The following RALGAPA1 variants were observed in gnomAD, a reference collection of about 807,000 sequenced individuals.
RALGAPA1 encodes the protein Ral GTPase activating protein catalytic subunit alpha 1.
RALGAPA1 carries 52 observed loss-of-function variants against 269.6 expected under a neutral mutation model. The ratio of observed to expected loss-of-function variants is 0.19; its 90% CI spans 0.15 to 0.24. The LOEUF is 0.24. Ranked by LOEUF, RALGAPA1 falls within the 10% of genes least tolerant of loss-of-function variation. The pLI, the probability that RALGAPA1 is intolerant of heterozygous loss-of-function variation, is 1.00. For missense variants in RALGAPA1, 1,917 were observed against 3,013.9 expected, an observed-to-expected ratio of 0.64 and a Z score of 8.52; for synonymous variants, 817 against 1,008.3, an observed-to-expected ratio of 0.81 and a Z score of 3.60.
chr14:35,786,324 C>T (rs895035620), intron 1 of RALGAPA1, among the ~76,000 whole-genome samples: 4 of 152,066 alleles, frequency 2.6e-5, no homozygotes, highest in Non-Finnish European at 4.4e-5. Context: ...GGCATCATCT[C>T]CACTTCTGAA....
chr14:35,750,824 A>T (rs2141250528), intron 8 of RALGAPA1, 134 bp from the exon 9 acceptor site: 2 of 758,024 alleles, frequency 2.6e-6, no homozygotes, highest in Non-Finnish European at 4.1e-6. Flanking sequence ...CACAGAAATG[A>T]CATTTCAAAA....
rs553181782 is a variant in RALGAPA1 at position 35,657,243 on chromosome 14, C to T, written c.5388-1328G>A. ...ACTCTGTCTTGCCCAGGCTGGAGTGCAGTGGCGCGATCTCGGCTCACTGCA... is the reference window on the plus strand; with the variant it reads ...ACTCTGTCTTGCCCAGGCTGGAGTGTAGTGGCGCGATCTCGGCTCACTGCA... On this transcript the variant is annotated intron_variant, in intron 28 of 41. Transcript: ENST00000680220. 2.7e-5 allele frequency among the ~76,000 whole-genome samples: 4 copies of T among 150,524 alleles called. No individual in the cohort carries two copies. In the East Asian group the frequency reaches 7.8e-4, roughly 30 times the overall value.
At chr14:35,661,131 C>T (rs1351220355) in intron 27 of RALGAPA1, among the ~76,000 whole-genome samples, 4 of 152,052 alleles carry the variant, frequency 2.6e-5, no homozygotes. Context: ...GTTTCTTTTA[C>T]TCCCTCTCAC....
chr14:35,689,143 C>T lies in RALGAPA1; in HGVS notation c.3268G>A (p.Glu1090Lys). 1 of 1,234,620 alleles carries T rather than the reference C, an allele frequency of 8.1e-7. No homozygotes were observed. Among genetic ancestry groups the T allele is most frequent in the Non-Finnish European group, 1.0e-6 (1 of 989,554 alleles). 76.5% of individuals were successfully genotyped at this position (1,234,620 alleles called of 1,614,324 possible). Residue 1090 changes from glutamate (E) to lysine (K), a missense_variant, in exon 18 of 42, where the codon GAA (glutamate) becomes AAA (lysine). By Grantham distance (56) the Glu-to-Lys change is moderately conservative (BLOSUM62 1). Coordinates refer to ENST00000680220, the MANE Select transcript of RALGAPA1 (RefSeq NM_001346249.2). ...VEKLKSVQIN[E>K]KITVPHVMRA... ...ATAACATGTGGGACAGTGATTTTTT[C>T]ATTAATTTGCACACTCTTAAGCTTT... is the stretch of plus-strand genomic sequence containing the variant.
Position 35,747,498 on chromosome 14 carries a change from G to A in RALGAPA1, c.1251+1087C>T, listed in dbSNP as rs562611701. Among the ~76,000 whole-genome samples, 28 of 152,296 alleles carry A rather than the reference G, an allele frequency of 1.8e-4. 1 individual carries two copies. The highest frequency in any genetic ancestry group is 3.4e-3 in the Middle Eastern group (1 of 294). On this transcript the variant is annotated intron_variant, in intron 10 of 41. Coordinates refer to ENST00000680220, the MANE Select transcript of RALGAPA1 (RefSeq NM_001346249.2). Reference sequence around the variant, plus strand: ...CAACACTGGACAAAAATGAAAATGAGTTTGTTTCTTTAACTTAGGCTGACA... The same window carrying A: ...CAACACTGGACAAAAATGAAAATGAATTTGTTTCTTTAACTTAGGCTGACA...
At chr14:35,549,280 GAA>G in intron 39 of RALGAPA1, 46 bp from the exon 40 acceptor site, 1 of 1,557,408 alleles carries the variant, frequency 6.4e-7, no homozygotes, top group South Asian at 1.2e-5. Context: ...GCTTATACTG[GAA>G]AAAAAATCTT....
chr14:35,539,714 A>G, intron 41 of RALGAPA1, 24 bp from the exon 42 acceptor site: 1 of 1,611,980 alleles, frequency 6.2e-7, no homozygotes, highest in Non-Finnish European at 8.5e-7. Flanking sequence ...CAAGAGCATT[A>G]CTACAGTTAT....
At chr14:35,766,490 C>T in intron 4 of RALGAPA1, 1 of 1,381,676 alleles carries the variant, frequency 7.2e-7, no homozygotes, top group Non-Finnish European at 1.0e-6. Context: ...CCTTTTCTCA[C>T]ATTACTTATT....
intron 7 of RALGAPA1, among the ~76,000 whole-genome samples, chr14:35,754,049 T>C (rs1241321586): frequency 6.6e-6 from 1 of 152,194 alleles, no homozygotes; most frequent in Non-Finnish European, 1.5e-5. Flanking sequence ...TGGCAGACGC[T>C]ACCTTAATCA....
At chr14:35,734,804 G>A (rs2070824155) in intron 12 of RALGAPA1, among the ~76,000 whole-genome samples, 1 of 151,876 alleles carries the variant, frequency 6.6e-6, no homozygotes, top group Admixed American at 6.6e-5. Context: ...CTAGACATCT[G>A]ACAAAGGACT....
intron 12 of RALGAPA1, among the ~76,000 whole-genome samples, chr14:35,737,807 C>G (rs1429785295): frequency 8.0e-6 from 1 of 124,260 alleles, no homozygotes; most frequent in Non-Finnish European, 1.6e-5. Flanking sequence ...ATGTTCACAG[C>G]CAGGCATGGT....
intron 35 of RALGAPA1, 96 bp downstream of exon 35, chr14:35,625,265 A>AC (rs1222674395): frequency 1.4e-5 from 10 of 732,546 alleles, no homozygotes; most frequent in Non-Finnish European, 2.1e-5. Context: ...TCAATAACAC[A>AC]GTATTATATA....
intron 1 of RALGAPA1, among the ~76,000 whole-genome samples, chr14:35,800,413 G>C (rs2076884087): frequency 6.6e-6 from 1 of 152,046 alleles, no homozygotes; most frequent in Admixed American, 6.6e-5. Context: ...CAATGGAATT[G>C]AATTAGAAAT....
At chr14:35,804,034 G>A (rs971190742) in intron 1 of RALGAPA1, among the ~76,000 whole-genome samples, 1 of 152,058 alleles carries the variant, frequency 6.6e-6, no homozygotes, top group Non-Finnish European at 1.5e-5. Context: ...AGGCCGAGGT[G>A]GGTGGATCAC....
intron 35 of RALGAPA1, among the ~76,000 whole-genome samples, chr14:35,613,881 G>A (rs755927557): frequency 3.3e-5 from 5 of 152,030 alleles, no homozygotes; most frequent in Non-Finnish European, 7.4e-5. Flanking sequence ...TTTTTTCAAA[G>A]AACATATATA....
chr14:35,655,390 C>T (rs555590630), intron 29 of RALGAPA1, among the ~76,000 whole-genome samples: 1 of 151,442 alleles, frequency 6.6e-6, no homozygotes, highest in Non-Finnish European at 1.5e-5. Flanking sequence ...TGTCTGTCTA[C>T]AAAGAAGGCA....
intron 21 of RALGAPA1, among the ~76,000 whole-genome samples, chr14:35,682,574 G>A (rs1368758852): frequency 1.3e-5 from 2 of 152,128 alleles, no homozygotes; most frequent in African/African-American, 4.8e-5. Context: ...CCAAAGTGCT[G>A]GGATTACAGG....
At chr14:35,780,685 A>G (rs1275032933) in intron 1 of RALGAPA1, among the ~76,000 whole-genome samples, 1 of 152,264 alleles carries the variant, frequency 6.6e-6, no homozygotes, top group Non-Finnish European at 1.5e-5. Context: ...AAAATACAAC[A>G]TACCAAAACT....
At chr14:35,797,249 G>GA (rs2076633155) in intron 1 of RALGAPA1, among the ~76,000 whole-genome samples, 1 of 150,356 alleles carries the variant, frequency 6.7e-6, no homozygotes, top group South Asian at 2.1e-4. Flanking sequence ...AGCTACTAGG[G>GA]GGCTGAAGCA....
Sources: allele counts gnomAD v4.1 joint callset (sites outside exome capture counted in the v4.1 genomes callset), GRCh38; gene constraint gnomAD v4.1.1; transcripts MANE v1.5; gene names NCBI Gene and HGNC (gene_info 2026-07-23, HGNC 2026-07-21).